The following SH3PXD2A variants were observed in gnomAD, a reference collection of about 807,000 sequenced individuals.
SH3PXD2A encodes SH3 and PX domain-containing protein 2A.
Under a neutral mutation model 115.2 loss-of-function variants are expected in SH3PXD2A, and 32 were observed. The observed-to-expected ratio is 0.28, with a 90% CI of 0.21 to 0.37. SH3PXD2A has a LOEUF of 0.37. Among genes scored for constraint, SH3PXD2A ranks in the 10% least tolerant of loss-of-function variants. The pLI is 1.00. For missense variants in SH3PXD2A, 1,328 were observed against 1,498.7 expected (o/e 0.89, Z 1.88); for synonymous variants, 610 against 629.1 (o/e 0.97, Z 0.45).
intron 1 of SH3PXD2A, among the ~76,000 whole-genome samples, chr10:103,806,088 T>A (rs1195808550): frequency 1.3e-5 from 2 of 152,136 alleles, no homozygotes; most frequent in African/African-American, 4.8e-5. Context: ...TGCTAACATC[T>A]TGCACCCTAC....
intron 2 of SH3PXD2A, among the ~76,000 whole-genome samples, chr10:103,775,469 G>A (rs778989463): frequency 6.6e-6 from 1 of 152,132 alleles, no homozygotes; most frequent in Non-Finnish European, 1.5e-5. Flanking sequence ...TGGCTGGAGT[G>A]AGCAAAAGGA....
At chr10:103,842,173 C>A (rs2039607362) in intron 1 of SH3PXD2A, among the ~76,000 whole-genome samples, 1 of 151,036 alleles carries the variant, frequency 6.6e-6, no homozygotes, top group African/African-American at 2.4e-5. Flanking sequence ...CACCAACATG[C>A]CTGTCTCCCT....
At chr10:103,768,722 G>T (rs974191835) in intron 2 of SH3PXD2A, among the ~76,000 whole-genome samples, 2 of 152,222 alleles carry the variant, frequency 1.3e-5, no homozygotes, top group African/African-American at 4.8e-5. Flanking sequence ...CAAGGTGTTA[G>T]CACTGGAGGT....
intron 5 of SH3PXD2A, among the ~76,000 whole-genome samples, chr10:103,716,175 C>T (rs543486274): frequency 2.0e-5 from 3 of 152,180 alleles, no homozygotes; most frequent in Non-Finnish European, 4.4e-5. Context: ...CCTGCACCAC[C>T]TTAACCAGCC....
At chr10:103,794,613 C>T (rs902090807) in intron 2 of SH3PXD2A, among the ~76,000 whole-genome samples, 1 of 152,234 alleles carries the variant, frequency 6.6e-6, no homozygotes, top group African/African-American at 2.4e-5. Flanking sequence ...TGCCGCCCCT[C>T]CTCCCACCTC....
intron 5 of SH3PXD2A, among the ~76,000 whole-genome samples, chr10:103,716,321 G>A (rs1263484047): frequency 1.3e-5 from 2 of 152,148 alleles, no homozygotes; most frequent in African/African-American, 4.8e-5. Context: ...GAGTGTTGGG[G>A]GCCCCTGATG....
Position 103,595,133 on chromosome 10 carries a change from C to G in SH3PXD2A, c.*6683G>C, listed in dbSNP as rs2036115102. 1 of 152,196 alleles carries G rather than the reference C, an allele frequency of 6.6e-6. No homozygotes were observed. 9.4% of individuals were successfully genotyped at this position (152,196 alleles called of 1,614,324 possible). ...TCAAAGATTGGTTTGTGGCTGGTGACTTCTCTCTGCTAAGTAAATCAATGA... is the reference window on the plus strand; with the variant it reads ...TCAAAGATTGGTTTGTGGCTGGTGAGTTCTCTCTGCTAAGTAAATCAATGA... On this transcript the variant is annotated 3_prime_UTR_variant, in exon 15 of 15. Coordinates refer to ENST00000369774, the MANE Select transcript of SH3PXD2A (RefSeq NM_001394015.1).
chr10:103,612,877 T>C lies in SH3PXD2A; in HGVS notation c.1234A>G (p.Ile412Val), dbSNP rs779355515. 8.0e-5 allele frequency: 127 copies of C among 1,583,524 alleles called. No homozygotes were observed. The highest frequency in any genetic ancestry group is 9.8e-5 in the Non-Finnish European group (114 of 1,166,704). ...CTGATCTGGGCCCGCTGAGGGGCAA[T>C]CCTGGCCACAGCTGGAGAGCCCTGG... ...LAQGSPAVAR[I>V]APQRAQISSP... The change falls in exon 12 of 15, where the codon ATT becomes GTT. Residue 412 changes from isoleucine to valine, a missense_variant. By Grantham distance (29) the Ile-to-Val change is conservative. Coordinates refer to ENST00000369774, the MANE Select transcript of SH3PXD2A (RefSeq NM_001394015.1).
chr10:103,834,303 A>C (rs1383268936), intron 1 of SH3PXD2A, among the ~76,000 whole-genome samples: 1 of 152,188 alleles, frequency 6.6e-6, no homozygotes, highest in African/African-American at 2.4e-5. Context: ...TGGTAGATGA[A>C]AATGTTATGC....
intron 1 of SH3PXD2A, among the ~76,000 whole-genome samples, chr10:103,826,150 T>C (rs2039428768): frequency 6.6e-6 from 1 of 152,140 alleles, no homozygotes; most frequent in Non-Finnish European, 1.5e-5. Flanking sequence ...ATCTTGTAAA[T>C]TAAACAAATC....
chr10:103,821,974 G>A (rs1311614733), intron 1 of SH3PXD2A, among the ~76,000 whole-genome samples: 2 of 151,804 alleles, frequency 1.3e-5, no homozygotes, highest in Non-Finnish European at 2.9e-5. Flanking sequence ...CACGATCTTG[G>A]CTCACTGCAA....
chr10:103,820,449 C>T (rs1415308782), intron 1 of SH3PXD2A, among the ~76,000 whole-genome samples: 1 of 152,194 alleles, frequency 6.6e-6, no homozygotes, highest in African/African-American at 2.4e-5. Context: ...GGGCTTCCCG[C>T]CCCAATTCCC....
intron 1 of SH3PXD2A, among the ~76,000 whole-genome samples, chr10:103,836,015 A>G (rs983573422): frequency 6.6e-6 from 1 of 152,148 alleles, no homozygotes; most frequent in African/African-American, 2.4e-5. Context: ...GCGTCTTCCT[A>G]GTTGTGTTAC....
chr10:103,729,520 A>G (rs2038288616), intron 4 of SH3PXD2A, among the ~76,000 whole-genome samples: 1 of 152,190 alleles, frequency 6.6e-6, no homozygotes, highest in African/African-American at 2.4e-5. Flanking sequence ...CAGGTTGGAG[A>G]AGGGCTGAAA....
chr10:103,795,358 C>T (rs1190068894), intron 2 of SH3PXD2A, among the ~76,000 whole-genome samples: 1 of 151,990 alleles, frequency 6.6e-6, no homozygotes, highest in Non-Finnish European at 1.5e-5. Context: ...TCTGAAGGCT[C>T]GTGGCAGGAG....
chr10:103,676,656 G>C (rs553724455), intron 6 of SH3PXD2A, among the ~76,000 whole-genome samples: 1 of 152,108 alleles, frequency 6.6e-6, no homozygotes, highest in Non-Finnish European at 1.5e-5. Flanking sequence ...GTGGACAGAG[G>C]GGTGCTGGCC....
At chr10:103,694,484 A>T (rs1453709321) in intron 5 of SH3PXD2A, among the ~76,000 whole-genome samples, 1 of 152,104 alleles carries the variant, frequency 6.6e-6, no homozygotes, top group East Asian at 1.9e-4. Flanking sequence ...CCCCTCTCCT[A>T]GGCATCGACC....
chr10:103,818,833 TC>T (rs2039349223), intron 1 of SH3PXD2A, among the ~76,000 whole-genome samples: 1 of 151,920 alleles, frequency 6.6e-6, no homozygotes, highest in Admixed American at 6.6e-5. Context: ...CCTCACTGGG[TC>T]CCCCTCTACT....
intron 7 of SH3PXD2A, chr10:103,662,004 T>TCAGGCCTGCCCC: frequency 1.0e-6 from 1 of 963,948 alleles, no homozygotes; most frequent in Non-Finnish European, 1.2e-6. Context: ...CGGACCAGCC[T>TCAGGCCTGCCCC]CAGGCCTGCC....
Sources: gnomAD v4.1 joint callset for allele counts (sites outside exome capture counted in the v4.1 genomes callset) on GRCh38, gnomAD v4.1.1 for gene constraint, MANE v1.5 for transcripts, NCBI Gene and HGNC (gene_info 2026-07-23, HGNC 2026-07-21) for gene names.